The following FOLH1 variants were observed in gnomAD, a reference collection of about 807,000 sequenced individuals.
FOLH1 encodes the protein folate hydrolase 1.
FOLH1 carries 54 observed loss-of-function variants against 93.9 expected under a neutral mutation model. That is an observed-to-expected ratio of 0.57 (90% CI 0.46 to 0.72). FOLH1 has a LOEUF of 0.72. FOLH1 is among the 30% of genes least tolerant of loss of function. The probability of loss-of-function intolerance (pLI) is 0.00; values close to 1 mark genes in which losing one functional copy is unlikely to be tolerated. For missense variants in FOLH1, 571 were observed against 892.5 expected (o/e 0.64, Z 4.59); for synonymous variants, 249 against 303.6 (o/e 0.82, Z 1.87).
intron 2 of FOLH1, among the ~76,000 whole-genome samples, chr11:49,204,803 AC>A (rs1863691927): frequency 6.6e-6 from 1 of 152,166 alleles, no homozygotes; most frequent in African/African-American, 2.4e-5. Context: ...TAGAATTACA[AC>A]CTTTATTCAC....
chr11:49,179,135 T>C (rs547650100), intron 7 of FOLH1, among the ~76,000 whole-genome samples: 24 of 152,272 alleles, frequency 1.6e-4, no homozygotes, highest in African/African-American at 5.3e-4. Context: ...ATCTGGATTT[T>C]AAAGATGAAT....
chr11:49,160,567 C>T (rs754023319), intron 13 of FOLH1, among the ~76,000 whole-genome samples: 5 of 151,944 alleles, frequency 3.3e-5, no homozygotes, highest in African/African-American at 9.7e-5. Flanking sequence ...CTCAGCCTCC[C>T]GAATAGCTGG....
chr11:49,186,478 C>T (rs2851528), intron 5 of FOLH1, among the ~76,000 whole-genome samples, 166 bp downstream of exon 5: 143 of 152,256 alleles, frequency 9.4e-4, no homozygotes, highest in Admixed American at 1.7e-3. Flanking sequence ...AATTTAACCC[C>T]GGGATATAAC....
chr11:49,194,733 A>C (rs1411976499), intron 3 of FOLH1, among the ~76,000 whole-genome samples: 3 of 152,056 alleles, frequency 2.0e-5, no homozygotes, highest in Admixed American at 6.6e-5. Context: ...AGTGACATAA[A>C]CCCGCTGAAA....
At chr11:49,194,296 T>C (rs17821682) in intron 3 of FOLH1, among the ~76,000 whole-genome samples, 5,126 of 152,000 alleles carry the variant, frequency 0.034, 121 homozygotes, top group Non-Finnish European at 0.051. Context: ...TTATATAGTA[T>C]GCCTCAAGCG....
At chr11:49,178,250 C>T (rs1271931894) in intron 7 of FOLH1, among the ~76,000 whole-genome samples, 2 of 152,162 alleles carry the variant, frequency 1.3e-5, no homozygotes, top group Non-Finnish European at 2.9e-5. Context: ...CTGCATTTTG[C>T]AGTGGACCAG....
chr11:49,174,717 C>G (rs768658382), intron 9 of FOLH1, among the ~76,000 whole-genome samples, 175 bp downstream of exon 9: 2 of 152,146 alleles, frequency 1.3e-5, no homozygotes, highest in Non-Finnish European at 2.9e-5. Flanking sequence ...CCACCTGTAC[C>G]ACAATACAAA....
At chr11:49,186,824 T>A in intron 4 of FOLH1, 55 bp from the exon 5 acceptor site, 1 of 1,533,670 alleles carries the variant, frequency 6.5e-7, no homozygotes, top group Admixed American at 2.1e-5. Context: ...AGGAGGTTTT[T>A]CTGCATGGGG....
At chr11:49,178,228 C>T (rs1442162922) in intron 7 of FOLH1, among the ~76,000 whole-genome samples, 1 of 152,190 alleles carries the variant, frequency 6.6e-6, no homozygotes, top group African/African-American at 2.4e-5. Flanking sequence ...ACCAGCTCAT[C>T]TATAAAACCC....
chr11:49,158,508 T>C (rs1565140870), intron 13 of FOLH1, among the ~76,000 whole-genome samples: 1 of 152,188 alleles, frequency 6.6e-6, no homozygotes, highest in African/African-American at 2.4e-5. Context: ...AACCGCAATG[T>C]CTGTTCTTGT....
chr11:49,189,279 CT>C (rs1476144691), intron 4 of FOLH1, among the ~76,000 whole-genome samples: 2 of 152,168 alleles, frequency 1.3e-5, no homozygotes, highest in Non-Finnish European at 1.5e-5. Context: ...TTTGAAACCC[CT>C]GTCCCAGATG....
chr11:49,182,328 CAAAAAA>C (rs59966842), intron 7 of FOLH1, among the ~76,000 whole-genome samples: 5 of 59,978 alleles, frequency 8.3e-5, no homozygotes, highest in African/African-American at 2.9e-4. Context: ...GACACTGTCT[CAAAAAA>C]AAAAAAAAAA....
At chr11:49,164,073 T>C (rs1437192141) in intron 13 of FOLH1, among the ~76,000 whole-genome samples, 3 of 152,204 alleles carry the variant, frequency 2.0e-5, no homozygotes, top group African/African-American at 7.2e-5. Context: ...CTGTATTTAC[T>C]TGCCCCTTCA....
intron 13 of FOLH1, 124 bp from the exon 14 acceptor site, chr11:49,158,167 C>G: frequency 1.6e-6 from 1 of 615,748 alleles, no homozygotes; most frequent in Admixed American, 3.6e-5. Flanking sequence ...GCTATCCATA[C>G]ATTAGCAGTC....
rs745938739 is a variant in FOLH1 at position 49,186,681 on chromosome 11, A to G, written c.602T>C (p.Val201Ala). 73 of 1,613,248 alleles carry G rather than the reference A, an allele frequency of 4.5e-5. No individual in the cohort carries two copies. Among genetic ancestry groups the G allele is most frequent in the Non-Finnish European group, 6.0e-5 (71 of 1,179,634 alleles). The stretch of plus-strand genomic sequence containing the variant: ...GAAAACTTTCCCATATCTGGCAATT[A>G]CAATTTTCCCAGAGCAATTGATTTT... ...DMKINCSGKI[V>A]IARYGKVFRG... is the part of the protein sequence containing the mutation. The change falls in exon 5 of 19, where the codon GTA becomes GCA. Residue 201 changes from valine to alanine, a missense_variant. Around this residue, in one of 2 missense-constraint regions of FOLH1, gnomAD observed 500 missense variants for 822.9 expected, o/e 0.61. Coordinates refer to ENST00000256999, the MANE Select transcript of FOLH1 (RefSeq NM_004476.3).
intron 17 of FOLH1, 135 bp downstream of exon 17, chr11:49,153,711 A>G: frequency 1.7e-6 from 1 of 572,268 alleles, no homozygotes; most frequent in Non-Finnish European, 2.8e-6. Context: ...CAGCAACTTA[A>G]AGTAAAACAA....
intron 7 of FOLH1, among the ~76,000 whole-genome samples, chr11:49,176,962 T>C (rs763745357): frequency 7.9e-5 from 12 of 152,238 alleles, no homozygotes; most frequent in Non-Finnish European, 1.8e-4. Context: ...AGGCTTTCTC[T>C]GCGGTCACGC....
intron 15 of FOLH1, among the ~76,000 whole-genome samples, chr11:49,156,493 T>G (rs1857050909): frequency 1.3e-5 from 2 of 152,174 alleles, no homozygotes; most frequent in Non-Finnish European, 2.9e-5. Flanking sequence ...AGTTCACATT[T>G]GCAGACATGA....
intron 4 of FOLH1, among the ~76,000 whole-genome samples, chr11:49,187,416 T>C (rs1379883739): frequency 6.6e-6 from 1 of 152,180 alleles, no homozygotes; most frequent in African/African-American, 2.4e-5. Flanking sequence ...TTTTTTATCA[T>C]ACCTTTAAGT....
Sources: allele counts gnomAD v4.1 joint callset (sites outside exome capture counted in the v4.1 genomes callset), GRCh38; gene constraint gnomAD v4.1.1; regional missense constraint gnomAD v4.1.1; transcripts MANE v1.5; gene names NCBI Gene and HGNC (gene_info 2026-07-23, HGNC 2026-07-21).